The following JRK variants were observed in gnomAD, a reference collection of about 807,000 sequenced individuals.
The protein encoded by JRK is jerky protein homolog.
For missense variants in JRK, 720 were observed against 509.2 expected, an observed-to-expected ratio of 1.41 and a Z score of -3.98; for synonymous variants, 303 against 218.1, an observed-to-expected ratio of 1.39 and a Z score of -3.43.
chr8:142,666,954 C>T (rs1193473928), intron 1 of JRK, among the ~76,000 whole-genome samples: 1 of 152,142 alleles, frequency 6.6e-6, no homozygotes, highest in Non-Finnish European at 1.5e-5. Flanking sequence ...TTCTCAAATC[C>T]CTTATTCCTC....
At chr8:142,655,389 T>C (rs587740483), downstream of JRK, among the ~76,000 whole-genome samples, 4 of 152,282 alleles carry the variant, frequency 2.6e-5, no homozygotes, top group Non-Finnish European at 4.4e-5. Context: ...AGGGGTGTTA[T>C]TAGCAATTGT....
In JRK at chr8:142,662,715, G is replaced by T. The variant is rs142787694; in HGVS notation, c.*1637C>A. ...ATGTGAAAGTACGAGAAACCACAGC[G>T]AGCCAAATCCTCTCCTTCATGAGAA... On this transcript the variant is annotated 3_prime_UTR_variant, in exon 2 of 2. Coordinates refer to ENST00000612905, the MANE Select transcript of JRK (RefSeq NM_003724.4). 1.0e-6 allele frequency: 1 copy of T among 985,316 alleles called. No homozygotes were observed. Among genetic ancestry groups the T allele is most frequent in the Non-Finnish European group, 1.2e-6 (1 of 829,938 alleles). 61.0% of individuals were successfully genotyped at this position (985,316 alleles called of 1,614,324 possible).
chr8:142,666,953 C>A (rs943306072), intron 1 of JRK, among the ~76,000 whole-genome samples: 2 of 152,166 alleles, frequency 1.3e-5, no homozygotes, highest in South Asian at 4.1e-4. Flanking sequence ...CTTCTCAAAT[C>A]CCTTATTCCT....
chr8:142,664,198 A>ACCT lies in JRK; in HGVS notation c.*153_*154insAGG, dbSNP rs1387766157. The ACCT allele has an allele frequency of 7.1e-7, 1 of 1,400,784 alleles. No homozygotes were observed. Among genetic ancestry groups the ACCT allele is most frequent in the Non-Finnish European group, 9.3e-7 (1 of 1,076,346 alleles). The allele number at this position is 1,400,784 out of a possible 1,614,324, so 86.8% of individuals were successfully genotyped here. A position where few individuals can be genotyped will look rare whatever the true frequency, so the allele number is the denominator to read the frequency against. The stretch of plus-strand genomic sequence containing the variant: ...ACCTCGGGCACAGACCGTCCTGGGC[A>ACCT]CCCGAGCCACACCCGTGGGCGACCC... On this transcript the variant is annotated 3_prime_UTR_variant, in exon 2 of 2. Transcript: ENST00000612905.
Position 142,663,257 on chromosome 8 carries a change from T to C in JRK, c.*1095A>G, listed in dbSNP as rs978672438. Reference sequence around the variant, plus strand: ...AATCTCAGCTGCAGGCAGTGAGTGTTGCCCGTGAAATGGAGATGCCGCAAA... The same window carrying C: ...AATCTCAGCTGCAGGCAGTGAGTGTCGCCCGTGAAATGGAGATGCCGCAAA... On this transcript the variant is annotated 3_prime_UTR_variant, in exon 2 of 2. Coordinates refer to ENST00000612905, the MANE Select transcript of JRK (RefSeq NM_003724.4). The C allele has an allele frequency of 9.1e-6, 9 of 985,334 alleles. No individual in the cohort carries two copies. The highest frequency in any genetic ancestry group is 1.2e-4 in the Admixed American group (2 of 16,270). 61.0% of individuals were successfully genotyped at this position (985,334 alleles called of 1,614,324 possible).
rs1466415023 is a variant in JRK at position 142,664,031 on chromosome 8, G to T, written c.*321C>A. ...ACTGCAATGATCAGCCAGCGAACAC[G>T]AGACCAGATCGGCTCAGCCTGGCCC... On this transcript the variant is annotated 3_prime_UTR_variant, in exon 2 of 2. Coordinates refer to ENST00000612905, the MANE Select transcript of JRK (RefSeq NM_003724.4). The T allele has an allele frequency of 5.2e-6, 6 of 1,152,896 alleles. No homozygotes were observed. The East Asian group carries it at 2.5e-4, about 48-fold the overall frequency. The allele number at this position is 1,152,896 out of a possible 1,614,324, so 71.4% of individuals were successfully genotyped here.
At chr8:142,669,224 A>C (rs1162655974) in intron 1 of JRK, among the ~76,000 whole-genome samples, 1 of 143,032 alleles carries the variant, frequency 7.0e-6, no homozygotes, top group East Asian at 2.3e-4. Context: ...GGGGGTATGG[A>C]GGATATGAAG....
the JRK span, among the ~76,000 whole-genome samples, chr8:142,647,870 C>T: frequency 2.6e-5 from 4 of 152,218 alleles, no homozygotes; most frequent in African/African-American, 9.6e-5. Flanking sequence ...AAGTTTGGAA[C>T]TTCCTAGACA....
chr8:142,664,975 C>T lies in JRK; in HGVS notation c.1084G>A (p.Ala362Thr), dbSNP rs143464671. Reference protein sequence around the residue: ...GPHARYNMNDAIFSVACAWNA... With the variant: ...GPHARYNMNDTIFSVACAWNA... ...CAGGCACAGGCCACGCTGAATATGGCATCGTTCATGTTGTAGCGGGCGTGG... is the reference window on the plus strand; with the variant it reads ...CAGGCACAGGCCACGCTGAATATGGTATCGTTCATGTTGTAGCGGGCGTGG... The change falls in exon 2 of 2, where the codon GCC becomes ACC. Residue 362 changes from alanine to threonine, a missense_variant. Coordinates refer to ENST00000612905, the MANE Select transcript of JRK (RefSeq NM_003724.4). 286 of 740,066 alleles carry T rather than the reference C, an allele frequency of 3.9e-4. 1 individual carries two copies. The East Asian group carries it at 7.4e-3, about 19-fold the overall frequency. 45.8% of individuals were successfully genotyped at this position (740,066 alleles called of 1,614,324 possible).
At position 142,664,405 on chromosome 8, in the gene JRK, C is replaced by T. The variant is rs1554635079; in HGVS notation, c.1654G>A (p.Gly552Arg). 1 of 1,598,512 alleles carries T rather than the reference C, an allele frequency of 6.3e-7. No homozygotes were observed. The highest frequency in any genetic ancestry group is 8.5e-7 in the Non-Finnish European group (1 of 1,169,634). ...EALQEGPGGC[G>R]ATAQSPLPCS... ...GGCAAGGGAGACTGAGCTGTGGCCC[C>T]ACAGCCACCAGGGCCCTCCTGGAGG... is the stretch of plus-strand genomic sequence containing the variant. Residue 552 changes from glycine to arginine, a missense_variant, in exon 2 of 2, where the codon GGG becomes AGG. Gly to Arg is a moderately radical substitution (Grantham distance 125, BLOSUM62 -2). Transcript: ENST00000612905.
the JRK span, among the ~76,000 whole-genome samples, chr8:142,646,270 A>C: frequency 8.0e-3 from 1,219 of 152,346 alleles, 20 homozygotes; most frequent in African/African-American, 0.028. Context: ...TGAACCTCCA[A>C]GCTGTCCTTA....
rs891321915 is a variant in JRK at position 142,663,641 on chromosome 8, C to T, written c.*711G>A. 4.4e-5 allele frequency: 43 copies of T among 985,458 alleles called. No homozygotes were observed. In the African/African-American group the frequency reaches 7.5e-4, roughly 17 times the overall value. The allele number at this position is 985,458 out of a possible 1,614,324, so 61.0% of individuals were successfully genotyped here. The stretch of plus-strand genomic sequence containing the variant: ...TGGTCAGCCACTCCTACTTTCTTCC[C>T]AGAAAGGAACTCTACCAAGTCAACT... On this transcript the variant is annotated 3_prime_UTR_variant, in exon 2 of 2. Transcript: ENST00000612905.
chr8:142,657,433 G>C (rs926624535), downstream of JRK: 1 of 153,386 alleles, frequency 6.5e-6, no homozygotes, highest in Non-Finnish European at 1.4e-5. Context: ...CTGTTTGCAT[G>C]GTTATAAAGT....
chr8:142,647,802 T>A, the JRK span, among the ~76,000 whole-genome samples: 3 of 152,244 alleles, frequency 2.0e-5, no homozygotes, highest in African/African-American at 7.2e-5. Flanking sequence ...TTGGACTGCG[T>A]AAAAGGCAGG....
the JRK span, among the ~76,000 whole-genome samples, chr8:142,646,343 A>T: frequency 1.3e-5 from 2 of 152,242 alleles, no homozygotes; most frequent in Non-Finnish European, 2.9e-5. Context: ...TTTAAAACAA[A>T]GATGATAACA....
chr8:142,643,895 T>C, the JRK span, among the ~76,000 whole-genome samples: 4 of 152,308 alleles, frequency 2.6e-5, no homozygotes, highest in African/African-American at 9.6e-5. Flanking sequence ...AAAAGAAATA[T>C]GTTATAAATT....
Position 142,658,695 on chromosome 8 carries a change from T to C in JRK, c.*5657A>G. ...TACCACCCTCCTGGGGGTCAGGGTT[T>C]CAACATATAAACTTTGGGGGGGGAC... On this transcript the variant is annotated 3_prime_UTR_variant, in exon 2 of 2. Transcript: ENST00000612905. 3.0e-6 allele frequency: 4 copies of C among 1,317,508 alleles called. No individual in the cohort carries two copies. The highest frequency in any genetic ancestry group is 4.0e-6 in the Non-Finnish European group (4 of 998,540). 81.6% of individuals were successfully genotyped at this position (1,317,508 alleles called of 1,614,324 possible). A position where few individuals can be genotyped will look rare whatever the true frequency, so the allele number is the denominator to read the frequency against.
rs1163928600 is a variant in JRK at position 142,664,199 on chromosome 8, C to G, written c.*153G>C. Reference sequence around the variant, plus strand: ...CCTCGGGCACAGACCGTCCTGGGCACCCGAGCCACACCCGTGGGCGACCCA... The same window carrying G: ...CCTCGGGCACAGACCGTCCTGGGCAGCCGAGCCACACCCGTGGGCGACCCA... On this transcript the variant is annotated 3_prime_UTR_variant, in exon 2 of 2. Transcript: ENST00000612905. 3 of 1,396,112 alleles carry G rather than the reference C, an allele frequency of 2.1e-6. No individual in the cohort carries two copies. The East Asian group carries it at 7.8e-5, about 36-fold the overall frequency. The allele number at this position is 1,396,112 out of a possible 1,614,324, so 86.5% of individuals were successfully genotyped here.
Position 142,662,246 on chromosome 8 carries a change from G to A in JRK, c.*2106C>T, listed in dbSNP as rs587656645. 3.2e-5 allele frequency: 32 copies of A among 985,654 alleles called. No individual in the cohort carries two copies. The African/African-American group carries it at 5.4e-4, about 17-fold the overall frequency. The allele number at this position is 985,654 out of a possible 1,614,324, so 61.1% of individuals were successfully genotyped here. The stretch of plus-strand genomic sequence containing the variant: ...GTCCTGAAGAGCTACAGTCTGACAG[G>A]GACAAGCCATGTCCAGAGGACTCAG... On this transcript the variant is annotated 3_prime_UTR_variant, in exon 2 of 2. Coordinates refer to ENST00000612905, the MANE Select transcript of JRK (RefSeq NM_003724.4).
Sources: allele counts gnomAD v4.1 joint callset (sites outside exome capture counted in the v4.1 genomes callset), GRCh38; gene constraint gnomAD v4.1.1; transcripts MANE v1.5; gene names NCBI Gene and HGNC (gene_info 2026-07-23, HGNC 2026-07-21).